AVL9: variants seen among roughly 807,000 people sequenced by gnomAD.
AVL9 encodes the protein AVL9 cell migration associated, also known as late secretory pathway protein AVL9 homolog.
In AVL9, 49 loss-of-function variants were observed where a neutral mutation model predicts 79.2. The observed-to-expected ratio is 0.62, with a 90% CI of 0.49 to 0.79. The LOEUF (loss-of-function observed/expected upper bound fraction) is 0.79. Ranked by LOEUF, AVL9 falls within the 30% of genes least tolerant of loss-of-function variation. The pLI is 0.00. For missense variants in AVL9, 682 were observed against 776.8 expected (o/e 0.88, Z 1.45); for synonymous variants, 299 against 280.6 (o/e 1.07, Z -0.65).
At chr7:32,517,528 ACTCCTGACCTC>A (rs1562759133) in intron 1 of AVL9, among the ~76,000 whole-genome samples, 1 of 149,950 alleles carries the variant, frequency 6.7e-6, no homozygotes, top group Non-Finnish European at 1.5e-5. Context: ...CTGGTCTTGA[ACTCCTGACCTC>A]GTGATCCACC....
In AVL9 at chr7:32,509,636, G is replaced by A. The variant is rs141023208; in HGVS notation, c.93+13834G>A. 5.9e-5 allele frequency among the ~76,000 whole-genome samples: 9 copies of A among 152,218 alleles called. No individual in the cohort carries two copies. The East Asian group carries it at 1.4e-3, about 23-fold the overall frequency. On this transcript the variant is annotated intron_variant, in intron 1 of 15. Coordinates refer to ENST00000318709, the MANE Select transcript of AVL9 (RefSeq NM_015060.3). Reference sequence around the variant, plus strand: ...TTGGCCGGGCGGGCGGATCACTTGAGGTCAGGAGTTTGAGACCAGCTTGGC... The same window carrying A: ...TTGGCCGGGCGGGCGGATCACTTGAAGTCAGGAGTTTGAGACCAGCTTGGC...
chr7:32,551,506 G>C lies in AVL9; in HGVS notation c.462+83G>C, dbSNP rs1035249915. 2.8e-5 allele frequency: 18 copies of C among 640,270 alleles called. No homozygotes were observed. In the African/African-American group the frequency reaches 3.0e-4, roughly 11 times the overall value. The allele number at this position is 640,270 out of a possible 1,614,324, so 39.7% of individuals were successfully genotyped here. ...AAATATTGTCAGTAATACTGTGAAG[G>C]ATAATTATTACCTTAAGAAAGACAT... On this transcript the variant is annotated intron_variant, in intron 5 of 15. Coordinates refer to ENST00000318709, the MANE Select transcript of AVL9 (RefSeq NM_015060.3).
Position 32,568,207 on chromosome 7 carries a change from T to TTA in AVL9, c.1216-1812_1216-1811insAT, listed in dbSNP as rs1396670608. ...ACATCATATTCTTTTATTTATTTAT[T>TTA]TTTTTTTTTTTGAGATGGAGTCTTA... On this transcript the variant is annotated intron_variant, in intron 10 of 15. Transcript: ENST00000318709. Among the ~76,000 whole-genome samples the TTA allele has an allele frequency of 3.6e-3, 534 of 147,690 alleles. 1 individual carries two copies. The highest frequency in any genetic ancestry group is 6.9e-3 in the Middle Eastern group (2 of 290).
intron 3 of AVL9, among the ~76,000 whole-genome samples, chr7:32,547,178 T>TG (rs1170603923): frequency 3.3e-5 from 5 of 152,092 alleles, no homozygotes; most frequent in Admixed American, 6.5e-5. Context: ...TCTTTGTCAT[T>TG]GGTCAGGCCA....
At position 32,553,774 on chromosome 7, in the gene AVL9, T is replaced by G. The variant is rs1789944431; in HGVS notation, c.570+7T>G. On this transcript the variant is annotated splice_region_variant and intron_variant, in intron 7 of 15. Transcript: ENST00000318709. ...CCTTCATTTTCGACACAAGGTATGGTACCTTATTTAAATAAATTTATGATG... is the reference window on the plus strand; with the variant it reads ...CCTTCATTTTCGACACAAGGTATGGGACCTTATTTAAATAAATTTATGATG... 1 of 1,603,306 alleles carries G rather than the reference T, an allele frequency of 6.2e-7. No individual in the cohort carries two copies. Among genetic ancestry groups the G allele is most frequent in the South Asian group, 1.1e-5 (1 of 90,540 alleles).
chr7:32,552,360 G>A (rs997626499), intron 6 of AVL9, 65 bp downstream of exon 6: 2 of 1,012,278 alleles, frequency 2.0e-6, no homozygotes, highest in Admixed American at 2.1e-5. Flanking sequence ...AAACTGAGTT[G>A]CGTGTAAAAC....
chr7:32,506,496 G>C (rs1787419564), intron 1 of AVL9, among the ~76,000 whole-genome samples: 2 of 152,190 alleles, frequency 1.3e-5, no homozygotes, highest in Admixed American at 1.3e-4. Context: ...GAGAGGGACA[G>C]TGTAAGATTT....
At chr7:32,497,903 G>A (rs929610945) in intron 1 of AVL9, among the ~76,000 whole-genome samples, 11 of 151,998 alleles carry the variant, frequency 7.2e-5, no homozygotes, top group African/African-American at 2.4e-4. Context: ...CGCCCGCCTC[G>A]GCCTCCCAAA....
chr7:32,548,773 T>C, intron 3 of AVL9, 74 bp from the exon 4 acceptor site: 2 of 1,103,042 alleles, frequency 1.8e-6, no homozygotes, highest in South Asian at 1.7e-5. Context: ...ATAATTTCTA[T>C]TTTTATGTTG....
intron 1 of AVL9, among the ~76,000 whole-genome samples, chr7:32,528,630 C>G (rs958976180): frequency 6.6e-6 from 1 of 152,110 alleles, no homozygotes; most frequent in Non-Finnish European, 1.5e-5. Flanking sequence ...CTTGGTACTA[C>G]TCTTTTTTTC....
chr7:32,579,278 TTA>T (rs5883360), intron 13 of AVL9, among the ~76,000 whole-genome samples: 104 of 106,002 alleles, frequency 9.8e-4, no homozygotes, highest in African/African-American at 3.4e-3. Flanking sequence ...ATGCCTGATT[TTA>T]TATATATATA....
chr7:32,544,435 A>T (rs1789374887), intron 2 of AVL9, among the ~76,000 whole-genome samples: 1 of 152,168 alleles, frequency 6.6e-6, no homozygotes, highest in Non-Finnish European at 1.5e-5. Flanking sequence ...CTAAAGATTA[A>T]GTATTTTCTG....
intron 1 of AVL9, among the ~76,000 whole-genome samples, chr7:32,523,662 T>A (rs78256166): frequency 0.011 from 1,628 of 150,506 alleles, 39 homozygotes; most frequent in African/African-American, 0.038. Context: ...ACTATAGGGG[T>A]GTGCCACCAC....
At chr7:32,534,268 C>T (rs1374674996) in intron 1 of AVL9, 2 of 151,994 alleles carry the variant, frequency 1.3e-5, no homozygotes, top group Admixed American at 1.3e-4. Flanking sequence ...TAGATTTGGC[C>T]ACATGAATAT....
rs533115502 is a variant in AVL9 at position 32,554,483 on chromosome 7, G to A, written c.571-75G>A. The A allele has an allele frequency of 1.4e-4, 128 of 919,080 alleles. No individual in the cohort carries two copies. The African/African-American group carries it at 2.0e-3, about 15-fold the overall frequency. 56.9% of individuals were successfully genotyped at this position (919,080 alleles called of 1,614,324 possible). A position where few individuals can be genotyped will look rare whatever the true frequency, so the allele number is the denominator to read the frequency against. ...ATTTAGTATTACTGATTATGGTTAT[G>A]TTTTAGGAGGGGAAAAGATGAATTA... On this transcript the variant is annotated intron_variant, in intron 7 of 15. Coordinates refer to ENST00000318709, the MANE Select transcript of AVL9 (RefSeq NM_015060.3).
chr7:32,554,587 T>A lies in AVL9; in HGVS notation c.600T>A (p.Leu200=), dbSNP rs1192231004. The part of the protein sequence containing the change: ...KVLILFKLIL[L]EKKVLFYISP... ...TAATCCTATTTAAGCTAATTCTTCT[T>A]GAAAAAAAGGTACGATCCTAAGGGA... Residue 200 remains leucine (L), a synonymous_variant, in exon 8 of 16, where the codon CTT becomes CTA. Transcript: ENST00000318709. 5 of 1,550,578 alleles carry A rather than the reference T, an allele frequency of 3.2e-6. No individual in the cohort carries two copies. Among genetic ancestry groups the A allele is most frequent in the Non-Finnish European group, 4.4e-6 (5 of 1,142,502 alleles).
intron 1 of AVL9, among the ~76,000 whole-genome samples, chr7:32,531,056 T>C (rs1788625113): frequency 6.6e-6 from 1 of 152,114 alleles, no homozygotes; most frequent in Non-Finnish European, 1.5e-5. Flanking sequence ...CAAGAGAGGC[T>C]CAAGTTTTAA....
At position 32,580,243 on chromosome 7, in the gene AVL9, A is replaced by G; in HGVS notation, c.1713A>G (p.Ser571=). ...GCCATCCATTTCAAGGCCAATACTC[A>G]GTATCAGACATGAAGTTAAGGTTCT... The part of the protein sequence containing the change: ...NPNHPFQGQY[S]VSDMKLRFSH... The change falls in exon 14 of 16, where the codon TCA becomes TCG. Residue 571 remains serine, a synonymous_variant. Transcript: ENST00000318709. 1.2e-6 allele frequency: 2 copies of G among 1,612,668 alleles called. No individual in the cohort carries two copies. Among genetic ancestry groups the G allele is most frequent in the Non-Finnish European group, 1.7e-6 (2 of 1,179,388 alleles).
At chr7:32,516,955 A>G (rs558863551) in intron 1 of AVL9, among the ~76,000 whole-genome samples, 10 of 152,272 alleles carry the variant, frequency 6.6e-5, no homozygotes, top group African/African-American at 1.7e-4. Flanking sequence ...ACCTGCAACT[A>G]TAAGGTTCCT....
Sources: allele counts gnomAD v4.1 joint callset (sites outside exome capture counted in the v4.1 genomes callset), GRCh38; gene constraint gnomAD v4.1.1; transcripts MANE v1.5; gene names NCBI Gene and HGNC (gene_info 2026-07-23, HGNC 2026-07-21).